The following CELF2 variants were observed in gnomAD, a reference collection of about 807,000 sequenced individuals.
CELF2 encodes the protein CUG triplet repeat RNA-binding protein 2.
Under a neutral mutation model 62.6 loss-of-function variants are expected in CELF2, and 8 were observed. The observed-to-expected ratio is 0.13, with a 90% CI of 0.07 to 0.23. The LOEUF is 0.23. Ranked by LOEUF, CELF2 falls within the 10% of genes least tolerant of loss-of-function variation. The pLI is 1.00. For synonymous variants in CELF2, 258 were observed against 250.0 expected (o/e 1.03, Z -0.30); for missense variants, 333 against 671.0 (o/e 0.50, Z 5.56).
chr10:10,516,174 G>A, the CELF2 span, among the ~76,000 whole-genome samples: 1,844 of 152,280 alleles, frequency 0.012, 30 homozygotes, highest in African/African-American at 0.041. Context: ...TTTGGACTGC[G>A]TGACTATTTC....
intron 2 of CELF2, among the ~76,000 whole-genome samples, chr10:11,197,014 A>T (rs1186349971): frequency 7.8e-5 from 1 of 12,900 alleles, no homozygotes; most frequent in African/African-American, 4.8e-4. Context: ...GAAAGAAAGA[A>T]AGAAAGAAAG....
intron 1 of CELF2, among the ~76,000 whole-genome samples, chr10:10,896,749 G>A (rs911441477): frequency 7.9e-5 from 12 of 152,070 alleles, no homozygotes; most frequent in African/African-American, 2.2e-4. Flanking sequence ...CCAGCACTTC[G>A]GTCTCAAACT....
At chr10:10,645,506 T>G in the CELF2 span, among the ~76,000 whole-genome samples, 1 of 151,924 alleles carries the variant, frequency 6.6e-6, no homozygotes, top group Non-Finnish European at 1.5e-5. Context: ...ATAGAAAAAT[T>G]AGGCAGGCAT....
chr10:10,753,287 A>G, the CELF2 span, among the ~76,000 whole-genome samples: 1 of 125,692 alleles, frequency 8.0e-6, no homozygotes, highest in Non-Finnish European at 1.6e-5. Flanking sequence ...ATGAATTCCA[A>G]TTTCCAAAGC....
the CELF2 span, among the ~76,000 whole-genome samples, chr10:10,471,732 C>G: frequency 6.6e-6 from 1 of 151,688 alleles, no homozygotes; most frequent in African/African-American, 2.4e-5. Context: ...GTTGATATAG[C>G]CTGTATATAA....
At chr10:11,263,968 G>A (rs1389155777) in intron 5 of CELF2, among the ~76,000 whole-genome samples, 2 of 152,184 alleles carry the variant, frequency 1.3e-5, no homozygotes, top group Admixed American at 6.5e-5. Flanking sequence ...AAATGACACT[G>A]TAATTTTTTT....
At chr10:11,153,612 C>T (rs947531044) in intron 1 of CELF2, among the ~76,000 whole-genome samples, 10 of 152,212 alleles carry the variant, frequency 6.6e-5, no homozygotes, top group African/African-American at 2.4e-4. Flanking sequence ...CCCTAACACC[C>T]TTGGTTCTGC....
At chr10:11,102,025 G>T (rs1455736763) in intron 1 of CELF2, 2 of 152,052 alleles carry the variant, frequency 1.3e-5, no homozygotes, top group Non-Finnish European at 2.9e-5. Flanking sequence ...AAGCATCATG[G>T]GCCTTTACTG....
chr10:10,812,741 C>T (rs1206877505), intron 1 of CELF2, among the ~76,000 whole-genome samples: 1 of 152,158 alleles, frequency 6.6e-6, no homozygotes, highest in Admixed American at 6.5e-5. Flanking sequence ...GAATCTAAAC[C>T]TCAGATCTGC....
intron 1 of CELF2, among the ~76,000 whole-genome samples, chr10:11,083,404 G>A (rs1053750028): frequency 2.6e-5 from 4 of 152,154 alleles, no homozygotes; most frequent in African/African-American, 7.2e-5. Flanking sequence ...TAACAGGGAC[G>A]GGAAGAGGCC....
chr10:10,587,616 T>G, the CELF2 span, among the ~76,000 whole-genome samples: 4 of 152,188 alleles, frequency 2.6e-5, no homozygotes, highest in African/African-American at 9.7e-5. Context: ...TTTTTGTTGT[T>G]TGTTTGTAAG....
the CELF2 span, among the ~76,000 whole-genome samples, chr10:10,671,629 A>G: frequency 6.6e-6 from 1 of 152,112 alleles, no homozygotes. Flanking sequence ...TGGCCATTCT[A>G]ATAGGTGTAC....
At chr10:10,499,579 T>A in the CELF2 span, among the ~76,000 whole-genome samples, 1 of 152,080 alleles carries the variant, frequency 6.6e-6, no homozygotes, top group Admixed American at 6.6e-5. Flanking sequence ...TGGGATGATG[T>A]GCAGAAATAA....
intron 1 of CELF2, among the ~76,000 whole-genome samples, chr10:11,100,718 T>C (rs2051348169): frequency 6.6e-6 from 1 of 152,170 alleles, no homozygotes; most frequent in African/African-American, 2.4e-5. Flanking sequence ...TAGCATTTTA[T>C]AATGTGAGAT....
chr10:11,212,336 G>GC (rs1048328713), intron 2 of CELF2, among the ~76,000 whole-genome samples: 5 of 151,900 alleles, frequency 3.3e-5, no homozygotes, highest in Non-Finnish European at 2.9e-5. Context: ...TCCCTGTGAG[G>GC]CCCCCCCGGG....
chr10:10,504,424 C>T, the CELF2 span, among the ~76,000 whole-genome samples: 7 of 152,042 alleles, frequency 4.6e-5, no homozygotes, highest in East Asian at 3.8e-4. Context: ...GATGAGAAAT[C>T]GATAGTCATT....
At chr10:10,894,713 G>A (rs376851168) in intron 1 of CELF2, among the ~76,000 whole-genome samples, 1 of 152,268 alleles carries the variant, frequency 6.6e-6, no homozygotes, top group East Asian at 1.9e-4. Flanking sequence ...TAGGAAGCCT[G>A]TCAGGCATCA....
rs1284373791 is a variant in CELF2 at position 11,217,969 on chromosome 10, A to G, written c.354+462A>G. ...CCTCCTAATGGTTTCTAAACAGTCA[A>G]TGGTGGTTAACAAAGTCAGTGTTTT... On this transcript the variant is annotated intron_variant, in intron 3 of 12. Coordinates refer to ENST00000633077, the MANE Select transcript of CELF2 (RefSeq NM_001326342.2). The surrounding 1 kb of genome is among the most constrained non-coding windows in gnomAD (Gnocchi z 5.6). Among the ~76,000 whole-genome samples, 3 of 152,208 alleles carry G rather than the reference A, an allele frequency of 2.0e-5. No homozygotes were observed. Among genetic ancestry groups the G allele is most frequent in the Non-Finnish European group, 1.5e-5 (1 of 68,044 alleles).
At chr10:10,616,792 A>G in the CELF2 span, among the ~76,000 whole-genome samples, 2 of 151,694 alleles carry the variant, frequency 1.3e-5, no homozygotes, top group Non-Finnish European at 2.9e-5. Context: ...TAATAATCAT[A>G]GCTCACTGCA....
Sources: allele counts gnomAD v4.1 joint callset (sites outside exome capture counted in the v4.1 genomes callset), GRCh38; gene constraint gnomAD v4.1.1; non-coding constraint Gnocchi (gnomAD v3.1); transcripts MANE v1.5; gene names NCBI Gene and HGNC (gene_info 2026-07-23, HGNC 2026-07-21).